Variants in SGIP1 observed in about 807,000 individuals in gnomAD.
The protein encoded by SGIP1 is SH3GL interacting endocytic adaptor 1, also known as SH3-containing GRB2-like protein 3-interacting protein 1.
A neutral mutation model predicts 107.5 loss-of-function variants in SGIP1; 38 were observed. That is an observed-to-expected ratio of 0.35 (90% CI 0.27 to 0.46). The LOEUF (loss-of-function observed/expected upper bound fraction) is 0.46, where lower values mean the gene tolerates loss of function less well. Among genes scored for constraint, SGIP1 ranks in the 20% least tolerant of loss-of-function variants. The pLI is 1.00. For synonymous variants in SGIP1, 365 were observed against 366.1 expected, an observed-to-expected ratio of 1.00 and a Z score of 0.03; for missense variants, 929 against 1,019.5, an observed-to-expected ratio of 0.91 and a Z score of 1.21.
chr1:66,567,671 A>G (rs2059837765), intron 1 of SGIP1, among the ~76,000 whole-genome samples: 1 of 151,966 alleles, frequency 6.6e-6, no homozygotes, highest in Non-Finnish European at 1.5e-5. Context: ...ATCTTGAGTT[A>G]ATTTTTGTAT....
intron 1 of SGIP1, among the ~76,000 whole-genome samples, chr1:66,604,957 A>G (rs1053096516): frequency 5.3e-5 from 8 of 152,064 alleles, no homozygotes; most frequent in Admixed American, 4.6e-4. Context: ...GGCTCCCATC[A>G]TATATTTTGA....
chr1:66,716,285 T>C (rs2093237578), intron 18 of SGIP1, among the ~76,000 whole-genome samples: 1 of 152,116 alleles, frequency 6.6e-6, no homozygotes, highest in South Asian at 2.1e-4. Flanking sequence ...GATATTGTGA[T>C]TTATCTAATT....
At chr1:66,620,700 T>C (rs1469957569) in intron 1 of SGIP1, among the ~76,000 whole-genome samples, 1 of 152,202 alleles carries the variant, frequency 6.6e-6, no homozygotes, top group African/African-American at 2.4e-5. Context: ...CAATTCCAGA[T>C]GTGATTTGAG....
At chr1:66,665,823 AT>A (rs1422839619) in intron 8 of SGIP1, 2 of 151,666 alleles carry the variant, frequency 1.3e-5, no homozygotes, top group African/African-American at 4.8e-5. Flanking sequence ...GGGTTATTTG[AT>A]TTTTTCTTGT....
At chr1:66,533,548 C>A (rs1219786256), upstream of SGIP1, 2 of 151,948 alleles carry the variant, frequency 1.3e-5, no homozygotes, top group Non-Finnish European at 2.9e-5. Context: ...TATGATGTGA[C>A]GTCAGTCGGA....
rs180732623 is a variant in SGIP1, at chr1:66,564,082, G to A, written c.10+29714G>A. Among the ~76,000 whole-genome samples the A allele has an allele frequency of 1.8e-3, 281 of 152,016 alleles. 4 individuals are homozygous for A. In the South Asian group the frequency reaches 0.03, roughly 16 times the overall value. On this transcript the variant is annotated intron_variant, in intron 1 of 24. Coordinates refer to ENST00000371037, the MANE Select transcript of SGIP1 (RefSeq NM_032291.4). ...AAACAAAAACTGATAAAATTGGAGC[G>A]GCTTAGATTGAAGTTAGGAGTTGAA...
At chr1:66,730,575 G>T (rs1048443737) in intron 20 of SGIP1, among the ~76,000 whole-genome samples, 11 of 151,978 alleles carry the variant, frequency 7.2e-5, no homozygotes, top group African/African-American at 2.2e-4. Context: ...ATCCAATCTT[G>T]CCCCTCTCCA....
intron 18 of SGIP1, among the ~76,000 whole-genome samples, chr1:66,703,183 T>C (rs2092139634): frequency 6.6e-6 from 1 of 151,952 alleles, no homozygotes; most frequent in Admixed American, 6.6e-5. Flanking sequence ...ATTATGGAGG[T>C]GAAATAATAA....
At chr1:66,575,144 C>T (rs1351240011) in intron 1 of SGIP1, among the ~76,000 whole-genome samples, 1 of 152,116 alleles carries the variant, frequency 6.6e-6, no homozygotes, top group African/African-American at 2.4e-5. Context: ...TAATTTTGTC[C>T]TTCTGCTTAG....
intron 1 of SGIP1, among the ~76,000 whole-genome samples, chr1:66,624,998 A>G (rs1337989053): frequency 6.6e-6 from 1 of 152,172 alleles, no homozygotes; most frequent in Admixed American, 6.5e-5. Context: ...TGAAATCACA[A>G]ATATTATCTG....
intron 21 of SGIP1, among the ~76,000 whole-genome samples, chr1:66,734,218 A>G (rs1035690249): frequency 6.6e-6 from 1 of 152,154 alleles, no homozygotes; most frequent in South Asian, 2.1e-4. Context: ...GAACATTACT[A>G]TACTAAAACC....
At chr1:66,740,530 T>C (rs1050294576) in intron 22 of SGIP1, 128 bp from the exon 23 acceptor site, 4 of 667,960 alleles carry the variant, frequency 6.0e-6, no homozygotes, top group Non-Finnish European at 1.1e-5. Context: ...AGACAGGGAA[T>C]TTTTAAATTG....
intron 24 of SGIP1, 82 bp downstream of exon 24, chr1:66,741,518 C>T: frequency 7.4e-7 from 1 of 1,346,934 alleles, no homozygotes; most frequent in Non-Finnish European, 9.8e-7. Flanking sequence ...GTGATTTTCT[C>T]ATCTTTTTCC....
At position 66,683,762 on chromosome 1, in the gene SGIP1, G is replaced by T. The variant is rs180809361; in HGVS notation, c.1315+1393G>T. On this transcript the variant is annotated intron_variant, in intron 15 of 24. Transcript: ENST00000371037. ...CTTGCTCTGATGCCCAGGCTGGAGT[G>T]CAGTACATCTCAGCTCACTGTAACC... Among the ~76,000 whole-genome samples the T allele has an allele frequency of 7.3e-5, 9 of 123,010 alleles. No individual in the cohort carries two copies. The East Asian group carries it at 2.4e-3, about 33-fold the overall frequency. 80.7% of individuals were successfully genotyped at this position (123,010 alleles called of 152,430 possible).
At chr1:66,686,521 G>A (rs781255888) in intron 15 of SGIP1, among the ~76,000 whole-genome samples, 4 of 151,156 alleles carry the variant, frequency 2.6e-5, no homozygotes, top group Admixed American at 6.6e-5. Flanking sequence ...AGTGAGGATA[G>A]AGATGTGCAA....
intron 2 of SGIP1, among the ~76,000 whole-genome samples, 195 bp from the exon 3 acceptor site, chr1:66,632,874 TC>T (rs1366753954): frequency 6.6e-6 from 1 of 152,152 alleles, no homozygotes; most frequent in Non-Finnish European, 1.5e-5. Context: ...AGAATTTCCT[TC>T]CCACATACAC....
At position 66,634,011 on chromosome 1, in the gene SGIP1, T is replaced by C; in HGVS notation, c.99+917T>C. On this transcript the variant is annotated intron_variant, in intron 3 of 24. Coordinates refer to ENST00000371037, the MANE Select transcript of SGIP1 (RefSeq NM_032291.4). ...TTTTGCCTTCATGTGGTTCTTACCA[T>C]GAAATGTTAAGAAAATAGACTGAAA... 14 of 1,397,240 alleles carry C rather than the reference T, an allele frequency of 1.0e-5. 1 individual carries two copies. The highest frequency in any genetic ancestry group is 2.5e-5 in the South Asian group (2 of 80,220). The allele number at this position is 1,397,240 out of a possible 1,614,324, so 86.6% of individuals were successfully genotyped here.
intron 5 of SGIP1, among the ~76,000 whole-genome samples, chr1:66,640,547 T>C (rs767713148): frequency 6.6e-6 from 1 of 152,074 alleles, no homozygotes; most frequent in Non-Finnish European, 1.5e-5. Context: ...ATGAGGTCCC[T>C]GAAATGAGAC....
At chr1:66,626,845 G>A (rs1204552208) in intron 2 of SGIP1, among the ~76,000 whole-genome samples, 2 of 152,090 alleles carry the variant, frequency 1.3e-5, no homozygotes, top group Non-Finnish European at 2.9e-5. Context: ...CTGAAAGAAA[G>A]TTAGAAAATG....
Sources: allele counts gnomAD v4.1 joint callset (sites outside exome capture counted in the v4.1 genomes callset), GRCh38; gene constraint gnomAD v4.1.1; transcripts MANE v1.5; gene names NCBI Gene and HGNC (gene_info 2026-07-23, HGNC 2026-07-21).